The following GAMT variants were observed in gnomAD, a reference collection of about 807,000 sequenced individuals.
GAMT encodes the protein guanidinoacetate N-methyltransferase.
GAMT carries 26 observed loss-of-function variants against 26.9 expected under a neutral mutation model. The observed-to-expected ratio is 0.97, with a 90% CI of 0.71 to 1.34. GAMT has a LOEUF of 1.34. Among genes scored for constraint, GAMT ranks in the 40% most tolerant of loss-of-function variants. The probability of loss-of-function intolerance (pLI) is 0.00; values close to 1 mark genes in which losing one functional copy is unlikely to be tolerated. For missense variants in GAMT, 412 were observed against 345.0 expected, an observed-to-expected ratio of 1.19 and a Z score of -1.54; for synonymous variants, 169 against 149.6, an observed-to-expected ratio of 1.13 and a Z score of -0.95.
intron 5 of GAMT, chr19:1,398,325 T>C (rs559862900): frequency 1.6e-5 from 3 of 192,454 alleles, no homozygotes; most frequent in South Asian, 2.7e-4. Context: ...CTCAAACTCC[T>C]GGGCTCAAGT....
At position 1,399,848 on chromosome 19, in the gene GAMT, C is replaced by T; in HGVS notation, c.272G>A (p.Cys91Tyr). The change falls in exon 2 of 6, where the codon TGC (cysteine) becomes TAC (tyrosine). Residue 91 changes from cysteine (C) to tyrosine (Y), a missense_variant. Coordinates refer to ENST00000252288, the MANE Select transcript of GAMT (RefSeq NM_000156.6). The surrounding 1 kb of genome is among the most constrained non-coding windows in gnomAD (Gnocchi z 6.2). ...APIDEHWIIE[C>Y]NDGVFQRLRD... ...GAGCCGCTGGAAGACGCCGTCATTG[C>T]ACTCGATGATCCAATGCTCATCAAT... 3 of 1,598,172 alleles carry T rather than the reference C, an allele frequency of 1.9e-6. No homozygotes were observed. The highest frequency in any genetic ancestry group is 1.3e-5 in the African/African-American group (1 of 74,796).
rs2082613908 is a variant in GAMT, at chr19:1,398,563, G to A, written c.570+353C>T. The A allele has an allele frequency of 1.6e-5, 10 of 635,176 alleles. No homozygotes were observed. The Admixed American group carries it at 2.9e-4, about 19-fold the overall frequency. The allele number at this position is 635,176 out of a possible 1,614,324, so 39.3% of individuals were successfully genotyped here. ...CAATCCTCCTACCTCAGCCTCCCAA[G>A]TAGCTGGGAGTACAGGCACACGCCA... On this transcript the variant is annotated intron_variant, in intron 5 of 5. Coordinates refer to ENST00000252288, the MANE Select transcript of GAMT (RefSeq NM_000156.6).
At position 1,397,069 on chromosome 19, in the gene GAMT, T is replaced by C; in HGVS notation, c.*290A>G. On this transcript the variant is annotated 3_prime_UTR_variant, in exon 6 of 6. Coordinates refer to ENST00000252288, the MANE Select transcript of GAMT (RefSeq NM_000156.6). ...GGGCGGGAGGTGAGGGAGCAGCCGCTGGAAGTAACAGTCGCACGCTCACTG... is the reference window on the plus strand; with the variant it reads ...GGGCGGGAGGTGAGGGAGCAGCCGCCGGAAGTAACAGTCGCACGCTCACTG... The C allele has an allele frequency of 2.4e-6, 1 of 425,484 alleles. No individual in the cohort carries two copies. The highest frequency in any genetic ancestry group is 3.1e-5 in the South Asian group (1 of 32,610). The allele number at this position is 425,484 out of a possible 1,614,324, so 26.4% of individuals were successfully genotyped here.
At chr19:1,400,876 C>T (rs2082629829) in intron 1 of GAMT, among the ~76,000 whole-genome samples, 1 of 152,230 alleles carries the variant, frequency 6.6e-6, no homozygotes, top group Non-Finnish European at 1.5e-5. Flanking sequence ...TCCCTGAGCT[C>T]AGCTTTCCGA....
intron 5 of GAMT, 163 bp from the exon 6 acceptor site, chr19:1,397,662 C>T (rs959934461): frequency 2.4e-5 from 33 of 1,375,834 alleles, no homozygotes; most frequent in Non-Finnish European, 2.8e-5. Flanking sequence ...CAGGTGTGAA[C>T]GGGAATCTCC....
At position 1,399,671 on chromosome 19, in the gene GAMT, G is replaced by A. The variant is rs2082621904; in HGVS notation, c.328-84C>T. On this transcript the variant is annotated intron_variant, in intron 2 of 5. Transcript: ENST00000252288. This position sits in a 1 kb window ranked among gnomAD's most constrained non-coding sequence, Gnocchi z 6.2. ...ACCTGCAGAAAGGGAGCGGCCAGGG[G>A]GACTCCCGAGAGAGAAGACCACCTC... 1 of 1,529,106 alleles carries A rather than the reference G, an allele frequency of 6.5e-7. No homozygotes were observed. The highest frequency in any genetic ancestry group is 1.9e-5 in the Admixed American group (1 of 52,276). 94.7% of individuals were successfully genotyped at this position (1,529,106 alleles called of 1,614,324 possible).
At position 1,399,579 on chromosome 19, in the gene GAMT, G is replaced by C; in HGVS notation, c.336C>G (p.Pro112=). 6.2e-7 allele frequency: 1 copy of C among 1,612,944 alleles called. No individual in the cohort carries two copies. Among genetic ancestry groups the C allele is most frequent in the South Asian group, 1.1e-5 (1 of 90,904 alleles). The change falls in exon 3 of 6, where the codon CCC becomes CCG. Residue 112 remains proline (P), a synonymous_variant. Coordinates refer to ENST00000252288, the MANE Select transcript of GAMT (RefSeq NM_000156.6). The surrounding 1 kb of genome is among the most constrained non-coding windows in gnomAD (Gnocchi z 6.2). ...CCACATCCTCCCACAGGCCTTTCAAGGGGATGACCTTGCAGAGGGGAAAAG... is the reference window on the plus strand; with the variant it reads ...CCACATCCTCCCACAGGCCTTTCAACGGGATGACCTTGCAGAGGGGAAAAG... ...WAPRQTHKVI[P]LKGLWEDVAP...
chr19:1,398,531 G>C, intron 5 of GAMT: 1 of 596,906 alleles, frequency 1.7e-6, no homozygotes, highest in Non-Finnish European at 2.9e-6. Flanking sequence ...TGCCCCTGGG[G>C]CCCAAGCAAT....
Position 1,401,349 on chromosome 19 carries a change from T to C in GAMT, c.128A>G (p.Glu43Gly), listed in dbSNP as rs796052532. The C allele has an allele frequency of 6.5e-7, 1 of 1,536,862 alleles. No homozygotes were observed. The highest frequency in any genetic ancestry group is 8.7e-7 in the Non-Finnish European group (1 of 1,150,728). Reference protein sequence around the residue: ...HLRILGKPVMERWETPYMHAL... With the variant: ...HLRILGKPVMGRWETPYMHAL... ...GTGCATATAGGGGGTCTCCCAGCGCTCCATCACCGGCTTGCCCAGGATGCG... is the reference window on the plus strand; with the variant it reads ...GTGCATATAGGGGGTCTCCCAGCGCCCCATCACCGGCTTGCCCAGGATGCG... The change falls in exon 1 of 6, where the codon GAG (glutamate) becomes GGG (glycine). Residue 43 changes from glutamate to glycine, a missense_variant. By Grantham distance (98) the Glu-to-Gly change is moderately conservative. Transcript: ENST00000252288.
At chr19:1,397,845 A>C in intron 5 of GAMT, 1 of 1,156,408 alleles carries the variant, frequency 8.6e-7, no homozygotes, top group Non-Finnish European at 1.1e-6. Flanking sequence ...TTTGGAAGAA[A>C]AGCTGCCCCA....
chr19:1,398,502 C>T (rs2082613592), intron 5 of GAMT: 1 of 566,724 alleles, frequency 1.8e-6, no homozygotes, highest in Non-Finnish European at 3.1e-6. Context: ...GTGGTTCGAT[C>T]TGGGCTCACT....
chr19:1,399,164 C>G lies in GAMT; in HGVS notation c.423G>C (p.Glu141Asp). 6.2e-7 allele frequency: 1 copy of G among 1,613,792 alleles called. No homozygotes were observed. Among genetic ancestry groups the G allele is most frequent in the Non-Finnish European group, 8.5e-7 (1 of 1,180,014 alleles). Residue 141 changes from glutamate to aspartate, a missense_variant, in exon 4 of 6, where the codon GAG (glutamate) becomes GAC (aspartate). By Grantham distance (45) the Glu-to-Asp change is conservative. Coordinates refer to ENST00000252288, the MANE Select transcript of GAMT (RefSeq NM_000156.6). This position sits in a 1 kb window ranked among gnomAD's most constrained non-coding sequence, Gnocchi z 6.2. The part of the protein sequence containing the change: ...GILYDTYPLS[E>D]ETWHTHQFNF... ...TGAACTGGTGTGTGTGCCAGGTCTC[C>G]TCCGAGAGTGGGTACGTGTCGTACA...
intron 5 of GAMT, 54 bp from the exon 6 acceptor site, chr19:1,397,553 C>G (rs2082607919): frequency 8.2e-6 from 13 of 1,593,528 alleles, no homozygotes. Flanking sequence ...TCACGTGCAC[C>G]CTGGCGCCCA....
In GAMT at chr19:1,399,760, G is replaced by A. The variant is rs1276984097; in HGVS notation, c.327+33C>T. 6.5e-7 allele frequency: 1 copy of A among 1,541,258 alleles called. No individual in the cohort carries two copies. The highest frequency in any genetic ancestry group is 8.7e-7 in the Non-Finnish European group (1 of 1,143,146). ...AGCAGTGCCCTCACCCCAAGGAGTG[G>A]GGGTCCTGGAGGGCCTGCGGGCAGA... On this transcript the variant is annotated intron_variant, in intron 2 of 5. Coordinates refer to ENST00000252288, the MANE Select transcript of GAMT (RefSeq NM_000156.6). The surrounding 1 kb of genome is among the most constrained non-coding windows in gnomAD (Gnocchi z 6.2).
In GAMT at chr19:1,399,852, C is replaced by T. The variant is rs1569006974; in HGVS notation, c.268G>A (p.Glu90Lys). The T allele has an allele frequency of 4.4e-6, 7 of 1,599,366 alleles. No homozygotes were observed. Among genetic ancestry groups the T allele is most frequent in the South Asian group, 3.4e-5 (3 of 88,658 alleles). Residue 90 changes from glutamate (E) to lysine (K), a missense_variant, in exon 2 of 6, where the codon GAG becomes AAG. By Grantham distance (56) the Glu-to-Lys change is moderately conservative (BLOSUM62 1). Coordinates refer to ENST00000252288, the MANE Select transcript of GAMT (RefSeq NM_000156.6). The surrounding 1 kb of genome is among the most constrained non-coding windows in gnomAD (Gnocchi z 6.2). ...CGCTGGAAGACGCCGTCATTGCACT[C>T]GATGATCCAATGCTCATCAATGGGC... is the stretch of plus-strand genomic sequence containing the variant. ...EAPIDEHWII[E>K]CNDGVFQRLR...
chr19:1,399,033 A>C lies in GAMT; in HGVS notation c.460-7T>G, dbSNP rs1200384623. 1.2e-5 allele frequency: 19 copies of C among 1,613,250 alleles called. No homozygotes were observed. The highest frequency in any genetic ancestry group is 1.5e-5 in the Non-Finnish European group (18 of 1,179,994). ...GCAGGCGAAAGGCGTGGTTCTGTGG[A>C]AGGGGAGTGGCCAGTGGTCAGGACG... On this transcript the variant is annotated splice_polypyrimidine_tract_variant and splice_region_variant and intron_variant, in intron 4 of 5. Transcript: ENST00000252288. The surrounding 1 kb of genome is among the most constrained non-coding windows in gnomAD (Gnocchi z 6.2).
chr19:1,397,443 C>T lies in GAMT; in HGVS notation c.627G>A (p.Thr209=), dbSNP rs1012771142. The T allele has an allele frequency of 6.8e-6, 11 of 1,610,678 alleles. No homozygotes were observed. The highest frequency in any genetic ancestry group is 2.2e-5 in the East Asian group (1 of 44,900). The change falls in exon 6 of 6, where the codon ACG becomes ACA. Residue 209 remains threonine, a synonymous_variant. Coordinates refer to ENST00000252288, the MANE Select transcript of GAMT (RefSeq NM_000156.6). Reference sequence around the variant, plus strand: ...CCGGTGGGACCAGCGCCATCACCTCCGTACGGATGTTCTCCCTCCGGAAGC... The same window carrying T: ...CCGGTGGGACCAGCGCCATCACCTCTGTACGGATGTTCTCCCTCCGGAAGC... ...EAGFRRENIR[T]EVMALVPPAD... is the part of the protein sequence containing the mutation.
intron 5 of GAMT, chr19:1,398,611 A>ATTT: frequency 4.4e-6 from 3 of 683,880 alleles, no homozygotes; most frequent in Non-Finnish European, 6.7e-6. Context: ...AGTTTTTTGT[A>ATTT]TTTTTTTTTT....
intron 1 of GAMT, among the ~76,000 whole-genome samples, chr19:1,400,163 G>A (rs2082625855): frequency 6.8e-6 from 1 of 148,044 alleles, no homozygotes; most frequent in African/African-American, 2.6e-5. Flanking sequence ...AGGAGGGGGT[G>A]CGGGGCAGGG....
Sources: allele counts gnomAD v4.1 joint callset (sites outside exome capture counted in the v4.1 genomes callset), GRCh38; gene constraint gnomAD v4.1.1; non-coding constraint Gnocchi (gnomAD v3.1); transcripts MANE v1.5; gene names NCBI Gene and HGNC (gene_info 2026-07-23, HGNC 2026-07-21).